Variants in FGF12 observed in about 807,000 individuals in gnomAD.
FGF12 encodes fibroblast growth factor 12, also known as fibroblast growth factor 12B.
FGF12 carries 14 observed loss-of-function variants against 23.6 expected under a neutral mutation model. The observed-to-expected ratio is 0.59, with a 90% CI of 0.39 to 0.93. The LOEUF (loss-of-function observed/expected upper bound fraction) is 0.93, where lower values mean the gene tolerates loss of function less well. Ranked by LOEUF, FGF12 falls within the 40% of genes least tolerant of loss-of-function variation. The pLI is 0.00. For missense variants in FGF12, 175 were observed against 217.8 expected (o/e 0.80, Z 1.24); for synonymous variants, 62 against 77.3 (o/e 0.80, Z 1.04).
rs768931811 is a variant in FGF12, at chr3:192,304,228, T to G, written c.228+31133A>C. Among the ~76,000 whole-genome samples the G allele has an allele frequency of 2.6e-5, 4 of 152,186 alleles. No individual in the cohort carries two copies. The East Asian group carries it at 7.7e-4, about 29-fold the overall frequency. On this transcript the variant is annotated intron_variant, in intron 4 of 5. Transcript: ENST00000445105. ...ATCCAAGGGATCTTGCACAAAACTC[T>G]CTTAACCCTCCACAGCTTTTTAACA...
At chr3:192,350,258 T>C (rs1327808227) in intron 3 of FGF12, among the ~76,000 whole-genome samples, 1 of 152,168 alleles carries the variant, frequency 6.6e-6, no homozygotes, top group South Asian at 2.1e-4. Flanking sequence ...AAAAGTAGAA[T>C]GTACAGTTAA....
At chr3:192,525,605 C>T (rs1335713438) in intron 2 of FGF12, among the ~76,000 whole-genome samples, 1 of 152,150 alleles carries the variant, frequency 6.6e-6, no homozygotes, top group Non-Finnish European at 1.5e-5. Flanking sequence ...AAAATAATCA[C>T]CCCAAAACTT....
intron 2 of FGF12, among the ~76,000 whole-genome samples, chr3:192,385,806 C>G (rs1256256448): frequency 8.5e-5 from 13 of 152,160 alleles, no homozygotes; most frequent in Admixed American, 8.5e-4. Context: ...TCAGTAATGT[C>G]TGGGTAGGAA....
intron 2 of FGF12, among the ~76,000 whole-genome samples, chr3:192,596,363 C>T (rs1008407178): frequency 7.2e-5 from 11 of 151,896 alleles, no homozygotes; most frequent in Admixed American, 5.3e-4. Context: ...CAGTGTCTAA[C>T]GTAGGCTAAT....
At chr3:192,399,117 T>C (rs1353136306) in intron 2 of FGF12, among the ~76,000 whole-genome samples, 1 of 149,640 alleles carries the variant, frequency 6.7e-6, no homozygotes, top group Non-Finnish European at 1.5e-5. Flanking sequence ...AAGATTCAAA[T>C]ATAAGCAAAA....
intron 2 of FGF12, among the ~76,000 whole-genome samples, chr3:192,370,329 GTATAA>G (rs1248170678): frequency 1.3e-5 from 2 of 152,038 alleles, no homozygotes; most frequent in Non-Finnish European, 2.9e-5. Flanking sequence ...TAAATTTTGT[GTATAA>G]TATAACACAA....
intron 2 of FGF12, among the ~76,000 whole-genome samples, chr3:192,383,594 AAAAG>A (rs1280030672): frequency 6.6e-6 from 1 of 152,004 alleles, no homozygotes; most frequent in African/African-American, 2.4e-5. Context: ...TAATAATTGG[AAAAG>A]AAAGAAAGGA....
At chr3:192,436,929 T>A (rs916879516) in intron 2 of FGF12, among the ~76,000 whole-genome samples, 1 of 152,196 alleles carries the variant, frequency 6.6e-6, no homozygotes, top group African/African-American at 2.4e-5. Context: ...TATGAAATTA[T>A]CTACGTAAAA....
chr3:192,673,677 T>A (rs538964873), intron 2 of FGF12, among the ~76,000 whole-genome samples: 2 of 151,244 alleles, frequency 1.3e-5, no homozygotes, highest in African/African-American at 4.8e-5. Context: ...CTGATCATTA[T>A]GGCTTCCAAC....
chr3:192,177,504 T>C (rs1715925969), intron 4 of FGF12, among the ~76,000 whole-genome samples: 1 of 152,216 alleles, frequency 6.6e-6, no homozygotes, highest in Non-Finnish European at 1.5e-5. Context: ...CAAGTAGGAA[T>C]ACAGCACTTG....
At chr3:192,503,273 T>C (rs913475004) in intron 2 of FGF12, among the ~76,000 whole-genome samples, 2 of 152,234 alleles carry the variant, frequency 1.3e-5, no homozygotes, top group African/African-American at 2.4e-5. Context: ...ATTTTTGTTA[T>C]ATAATTTATA....
chr3:192,359,003 C>G (rs1434455886), intron 3 of FGF12, among the ~76,000 whole-genome samples: 1 of 152,046 alleles, frequency 6.6e-6, no homozygotes, highest in Non-Finnish European at 1.5e-5. Context: ...TGTAGCCTCA[C>G]TAAATCGACA....
chr3:192,422,951 C>G (rs948864519), intron 2 of FGF12, among the ~76,000 whole-genome samples: 1 of 152,118 alleles, frequency 6.6e-6, no homozygotes. Flanking sequence ...GTGGGAAAAC[C>G]TGATGTGAAG....
chr3:192,267,449 A>G (rs1349110471), intron 4 of FGF12, among the ~76,000 whole-genome samples: 3 of 152,218 alleles, frequency 2.0e-5, no homozygotes, highest in Non-Finnish European at 2.9e-5. Context: ...AGAGTTTAAT[A>G]AAAGACTATA....
chr3:192,193,175 C>A (rs1213415194), intron 4 of FGF12, among the ~76,000 whole-genome samples: 1 of 152,122 alleles, frequency 6.6e-6, no homozygotes, highest in Non-Finnish European at 1.5e-5. Flanking sequence ...TAACTCTGCC[C>A]ATGATATGGT....
intron 2 of FGF12, among the ~76,000 whole-genome samples, chr3:192,471,588 C>A (rs1312428963): frequency 6.6e-6 from 1 of 152,194 alleles, no homozygotes; most frequent in African/African-American, 2.4e-5. Flanking sequence ...CAAGTGGTCA[C>A]AGAATTGAAG....
intron 3 of FGF12, among the ~76,000 whole-genome samples, chr3:192,354,481 C>G (rs978950187): frequency 7.4e-5 from 11 of 149,278 alleles, no homozygotes; most frequent in Non-Finnish European, 1.6e-4. Flanking sequence ...TCGGAGGCAA[C>G]AGAATTAGAA....
chr3:192,181,376 C>G (rs1252842810), intron 4 of FGF12, among the ~76,000 whole-genome samples: 8 of 138,470 alleles, frequency 5.8e-5, no homozygotes, highest in African/African-American at 2.0e-4. Context: ...CACACACACA[C>G]AGACACACAC....
chr3:192,372,401 A>T (rs1298619831), intron 2 of FGF12, among the ~76,000 whole-genome samples: 1 of 151,724 alleles, frequency 6.6e-6, no homozygotes, highest in African/African-American at 2.4e-5. Context: ...TCACACACAC[A>T]CACACACACA....
Sources: gnomAD v4.1 joint callset for allele counts (sites outside exome capture counted in the v4.1 genomes callset) on GRCh38, gnomAD v4.1.1 for gene constraint, MANE v1.5 for transcripts, NCBI Gene and HGNC (gene_info 2026-07-23, HGNC 2026-07-21) for gene names.